The following PCDHA1 variants were observed in gnomAD, a reference collection of about 807,000 sequenced individuals.
PCDHA1 encodes protocadherin alpha-1.
PCDHA1 carries 42 observed loss-of-function variants against 61.3 expected under a neutral mutation model. The observed-to-expected ratio is 0.69, with a 90% CI of 0.54 to 0.89. PCDHA1 has a LOEUF of 0.89. PCDHA1 is among the 40% of genes least tolerant of loss of function. The pLI is 0.00. For synonymous variants in PCDHA1, 610 were observed against 553.8 expected, an observed-to-expected ratio of 1.10 and a Z score of -1.43; for missense variants, 1,256 against 1,235.3, an observed-to-expected ratio of 1.02 and a Z score of -0.25.
intron 1 of PCDHA1, chr5:140,822,714 C>G: frequency 6.2e-7 from 1 of 1,610,946 alleles, no homozygotes; most frequent in Non-Finnish European, 8.5e-7. Context: ...AAGACTATAA[C>G]TCATATGAAA....
Position 140,870,720 on chromosome 5 carries a change from G to A in PCDHA1, c.2394+82036G>A, listed in dbSNP as rs544150374. ...AGTTCCAGGTGAGCGCGCGCGATGC[G>A]GGCGTGCCGCCTCTGAGCAGCAACG... On this transcript the variant is annotated intron_variant, in intron 1 of 3. Coordinates refer to ENST00000504120, the MANE Select transcript of PCDHA1 (RefSeq NM_018900.4). The A allele has an allele frequency of 3.7e-6, 6 of 1,613,204 alleles. No homozygotes were observed. In the East Asian group the frequency reaches 6.7e-5, roughly 18 times the overall value.
Position 140,882,403 on chromosome 5 carries a change from G to A in PCDHA1, c.2394+93719G>A, listed in dbSNP as rs536389638. ...AGGAAGCAAAACACGGCACCTTCGTGGGCCGCATCGCTCAGGACCTGGGGC... is the reference window on the plus strand; with the variant it reads ...AGGAAGCAAAACACGGCACCTTCGTAGGCCGCATCGCTCAGGACCTGGGGC... On this transcript the variant is annotated intron_variant, in intron 1 of 3. Transcript: ENST00000504120. 1.9e-5 allele frequency: 31 copies of A among 1,614,168 alleles called. No homozygotes were observed. In the South Asian group the frequency reaches 3.3e-4, roughly 17 times the overall value.
chr5:140,922,790 C>G (rs1174493923), intron 1 of PCDHA1, among the ~76,000 whole-genome samples: 3 of 152,074 alleles, frequency 2.0e-5, no homozygotes, highest in African/African-American at 7.2e-5. Flanking sequence ...AAAACTGTAG[C>G]TTTGGAATAC....
At chr5:140,876,752 C>A (rs374137138) in intron 1 of PCDHA1, 2 of 1,614,194 alleles carry the variant, frequency 1.2e-6, no homozygotes, top group Non-Finnish European at 1.7e-6. Context: ...GTGGTGACTG[C>A]GCGGGATGGG....
At chr5:140,796,354 G>A (rs574219981) in intron 1 of PCDHA1, 16 of 1,614,074 alleles carry the variant, frequency 9.9e-6, no homozygotes, top group East Asian at 2.2e-5. Context: ...CACAGTATTC[G>A]TGAAGGAGAA....
At chr5:140,857,691 T>C (rs189067845) in intron 1 of PCDHA1, 2 of 1,597,004 alleles carry the variant, frequency 1.3e-6, no homozygotes, top group Non-Finnish European at 1.7e-6. Context: ...GGCAGCAACT[T>C]GACGCTGCAG....
At chr5:140,824,412 G>A (rs1250148908) in intron 1 of PCDHA1, 1 of 519,034 alleles carries the variant, frequency 1.9e-6, no homozygotes. Context: ...GTAAGACATA[G>A]TTTGGAGTCA....
chr5:140,802,361 G>C (rs781990973), intron 1 of PCDHA1: 3 of 1,614,220 alleles, frequency 1.9e-6, no homozygotes, highest in Admixed American at 3.3e-5. Context: ...TCACCTGCTC[G>C]CTGACGCCCC....
At chr5:140,991,753 T>C (rs1262588559) in intron 3 of PCDHA1, among the ~76,000 whole-genome samples, 3 of 152,208 alleles carry the variant, frequency 2.0e-5, no homozygotes, top group Non-Finnish European at 2.9e-5. Flanking sequence ...CTTTCTATCA[T>C]GCTCTTCAAA....
intron 1 of PCDHA1, among the ~76,000 whole-genome samples, chr5:140,903,033 G>A (rs2069954043): frequency 6.6e-6 from 1 of 152,180 alleles, no homozygotes; most frequent in African/African-American, 2.4e-5. Context: ...GCTTGCACAT[G>A]TGTCTTTTTC....
intron 1 of PCDHA1, among the ~76,000 whole-genome samples, chr5:140,935,894 C>CTT (rs55841305): frequency 0.3 from 41,439 of 136,538 alleles, 6,640 homozygotes; most frequent in East Asian, 0.49. Context: ...TCAATATTAT[C>CTT]TTTTTTTTTT....
chr5:140,997,713 T>C (rs2097782364), intron 3 of PCDHA1, among the ~76,000 whole-genome samples: 1 of 151,942 alleles, frequency 6.6e-6, no homozygotes, highest in African/African-American at 2.4e-5. Flanking sequence ...AACAAACACC[T>C]TTCTACGTCA....
intron 1 of PCDHA1, chr5:140,967,804 A>G (rs1168632160): frequency 6.2e-7 from 1 of 1,614,090 alleles, no homozygotes; most frequent in Admixed American, 1.7e-5. Flanking sequence ...TGCCCATGGC[A>G]GGTCACTGCA....
At chr5:140,828,728 A>G in intron 1 of PCDHA1, 2 of 1,614,238 alleles carry the variant, frequency 1.2e-6, no homozygotes, top group East Asian at 2.2e-5. Context: ...CTTATTCCTG[A>G]CAGCCACAGA....
intron 1 of PCDHA1, among the ~76,000 whole-genome samples, chr5:140,885,868 A>G (rs1347875524): frequency 6.6e-6 from 1 of 152,202 alleles, no homozygotes; most frequent in Admixed American, 6.5e-5. Context: ...TCTATTGAAA[A>G]AAAATTTTTA....
intron 1 of PCDHA1, chr5:140,876,230 A>C: frequency 6.2e-7 from 1 of 1,613,886 alleles, no homozygotes; most frequent in South Asian, 1.1e-5. Flanking sequence ...GTGTTGTCTG[A>C]AAATGTCCAA....
chr5:140,822,567 C>T (rs147998337), intron 1 of PCDHA1: 43 of 1,612,542 alleles, frequency 2.7e-5, no homozygotes, highest in African/African-American at 4.0e-5. Flanking sequence ...TTAAACTGAA[C>T]GCCTCAGATG....
intron 1 of PCDHA1, chr5:140,836,741 G>A (rs1554136289): frequency 8.1e-6 from 13 of 1,600,528 alleles, no homozygotes; most frequent in South Asian, 5.6e-5. Flanking sequence ...CAGACAATGT[G>A]AGTCATAAAT....
At chr5:140,809,544 T>G in intron 1 of PCDHA1, 1 of 1,613,228 alleles carries the variant, frequency 6.2e-7, no homozygotes. Context: ...GAAGATCAGC[T>G]GCAGACAACT....
Sources: gnomAD v4.1 joint callset for allele counts (sites outside exome capture counted in the v4.1 genomes callset) on GRCh38, gnomAD v4.1.1 for gene constraint, MANE v1.5 for transcripts, NCBI Gene and HGNC (gene_info 2026-07-23, HGNC 2026-07-21) for gene names.